Variants in NUP155 observed in about 807,000 individuals in gnomAD.
NUP155 encodes nucleoporin 155.
NUP155 carries 71 observed loss-of-function variants against 180.4 expected under a neutral mutation model. The observed-to-expected ratio is 0.39, with a 90% CI of 0.33 to 0.48. The LOEUF (loss-of-function observed/expected upper bound fraction) is 0.48. Among genes scored for constraint, NUP155 ranks in the 20% least tolerant of loss-of-function variants. The pLI, the probability that NUP155 is intolerant of heterozygous loss-of-function variation, is 0.91. For missense variants in NUP155, 1,553 were observed against 1,648.9 expected, an observed-to-expected ratio of 0.94 and a Z score of 1.01; for synonymous variants, 582 against 559.5, an observed-to-expected ratio of 1.04 and a Z score of -0.57.
At chr5:37,358,511 TTTA>T (rs1460406407) in intron 3 of NUP155, among the ~76,000 whole-genome samples, 6 of 151,944 alleles carry the variant, frequency 3.9e-5, no homozygotes, top group Admixed American at 3.3e-4. Flanking sequence ...TACAATGATC[TTTA>T]TTATTATTAT....
rs760028676 is a variant in NUP155 at position 37,301,488 on chromosome 5, A to C, written c.3510T>G (p.Ser1170=). ...TLQRQYSHHS[S]VQDAVSQLDS... is the part of the protein sequence containing the mutation. ...CCAGCTGAGAAACTGCATCCTGTAC[A>C]GAAGAATGATGGGAATACTGCCTTT... Residue 1170 remains serine, a synonymous_variant, in exon 30 of 35, where the codon TCT becomes TCG. Transcript: ENST00000231498. The C allele has an allele frequency of 1.1e-5, 17 of 1,613,986 alleles. No individual in the cohort carries two copies. Among genetic ancestry groups the C allele is most frequent in the Non-Finnish European group, 1.4e-5 (16 of 1,179,858 alleles).
chr5:37,295,887 C>G (rs1246121185), intron 32 of NUP155, among the ~76,000 whole-genome samples: 1 of 148,628 alleles, frequency 6.7e-6, no homozygotes, highest in African/African-American at 2.5e-5. Flanking sequence ...GGGGGGTCAG[C>G]CCCCCGCCTG....
At chr5:37,328,298 G>T in intron 17 of NUP155, 60 bp downstream of exon 17, 2 of 1,190,810 alleles carry the variant, frequency 1.7e-6, no homozygotes, top group Non-Finnish European at 2.5e-6. Context: ...AAGCATTAAG[G>T]TTAACTCATA....
chr5:37,313,146 A>G (rs577298064), intron 22 of NUP155, among the ~76,000 whole-genome samples: 44 of 152,142 alleles, frequency 2.9e-4, no homozygotes, highest in Non-Finnish European at 1.5e-4. Flanking sequence ...AAGTAGGAGC[A>G]GTTGCCGGGC....
chr5:37,344,006 G>A (rs1745914887), intron 9 of NUP155, among the ~76,000 whole-genome samples: 1 of 152,134 alleles, frequency 6.6e-6, no homozygotes, highest in African/African-American at 2.4e-5. Context: ...TTGATATAAT[G>A]TAGTAAGACA....
chr5:37,370,065 T>C (rs1199345566), intron 1 of NUP155, among the ~76,000 whole-genome samples: 1 of 152,214 alleles, frequency 6.6e-6, no homozygotes, highest in African/African-American at 2.4e-5. Flanking sequence ...AACACACATC[T>C]CTACACATAA....
chr5:37,308,873 C>A, intron 24 of NUP155, among the ~76,000 whole-genome samples: 1 of 67,702 alleles, frequency 1.5e-5, no homozygotes, highest in African/African-American at 1.0e-4. Context: ...GAGCGAGACT[C>A]TCAAAAAAAA....
At chr5:37,297,841 G>A (rs1742668277) in intron 32 of NUP155, among the ~76,000 whole-genome samples, 1 of 151,668 alleles carries the variant, frequency 6.6e-6, no homozygotes, top group Non-Finnish European at 1.5e-5. Flanking sequence ...ACAAAAGTAA[G>A]GGTATGAATA....
At chr5:37,360,389 G>A (rs1747121739) in intron 3 of NUP155, among the ~76,000 whole-genome samples, 1 of 152,108 alleles carries the variant, frequency 6.6e-6, no homozygotes, top group African/African-American at 2.4e-5. Flanking sequence ...GGAGGCTGAG[G>A]CAGGGGAATT....
At chr5:37,299,089 AC>A in intron 31 of NUP155, 111 bp from the exon 32 acceptor site, 2 of 730,868 alleles carry the variant, frequency 2.7e-6, no homozygotes, top group Admixed American at 2.0e-5. Flanking sequence ...ACAGATAGTC[AC>A]ATTAATATGA....
chr5:37,311,582 C>T (rs1353536964), intron 22 of NUP155, among the ~76,000 whole-genome samples: 3 of 151,864 alleles, frequency 2.0e-5, no homozygotes, highest in African/African-American at 7.3e-5. Flanking sequence ...GACTGCCTTC[C>T]AACGTTGAAA....
chr5:37,291,890 A>G lies in NUP155; in HGVS notation c.*10T>C. 1 of 1,613,202 alleles carries G rather than the reference A, an allele frequency of 6.2e-7. No individual in the cohort carries two copies. Among genetic ancestry groups the G allele is most frequent in the Non-Finnish European group, 8.5e-7 (1 of 1,179,186 alleles). On this transcript the variant is annotated 3_prime_UTR_variant, in exon 35 of 35. Coordinates refer to ENST00000231498, the MANE Select transcript of NUP155 (RefSeq NM_153485.3). ...CAGATCATAAAACGGATGAAAGTAT[A>G]TCACAGTAATTAATGAAGCCGTTCT...
intron 19 of NUP155, 62 bp from the exon 20 acceptor site, chr5:37,324,169 A>C: frequency 1.0e-6 from 1 of 972,100 alleles, no homozygotes; most frequent in Non-Finnish European, 1.6e-6. Context: ...CTATAATATA[A>C]ACAATTTTAA....
intron 24 of NUP155, 109 bp downstream of exon 24, chr5:37,309,020 G>A: frequency 8.7e-7 from 1 of 1,152,828 alleles, no homozygotes; most frequent in Non-Finnish European, 1.3e-6. Context: ...GATGCTGAAA[G>A]AAGATTTGCA....
In NUP155 at chr5:37,288,821, TG is replaced by T. The variant is rs1452770983; in HGVS notation, c.*3078del. On this transcript the variant is annotated 3_prime_UTR_variant, in exon 35 of 35. Transcript: ENST00000231498. ...GCTCATGCCTGTAATCCCAGCTCTTTGGGAGGCCAAGGGGGGTGGATCACCT... is the reference window on the plus strand; with the variant it reads ...GCTCATGCCTGTAATCCCAGCTCTTTGGAGGCCAAGGGGGGTGGATCACCT... 3 of 125,472 alleles carry T rather than the reference TG, an allele frequency of 2.4e-5. No individual in the cohort carries two copies. The highest frequency in any genetic ancestry group is 8.4e-5 in the African/African-American group (3 of 35,618). 7.8% of individuals were successfully genotyped at this position (125,472 alleles called of 1,614,324 possible). A position where few individuals can be genotyped will look rare whatever the true frequency, so the allele number is the denominator to read the frequency against.
chr5:37,347,087 G>A (rs1193762599), intron 9 of NUP155, among the ~76,000 whole-genome samples: 12 of 152,110 alleles, frequency 7.9e-5, no homozygotes, highest in African/African-American at 2.9e-4. Flanking sequence ...AATTCGCCAG[G>A]TGTGGTGGCA....
intron 16 of NUP155, 125 bp from the exon 17 acceptor site, chr5:37,328,545 C>G: frequency 1.4e-6 from 1 of 707,364 alleles, no homozygotes; most frequent in African/African-American, 1.8e-5. Flanking sequence ...TTTCTGTGGC[C>G]CAGGCTGGAG....
At chr5:37,314,373 A>C (rs1339962368) in intron 21 of NUP155, 45 bp from the exon 22 acceptor site, 2 of 1,434,382 alleles carry the variant, frequency 1.4e-6, no homozygotes, top group Non-Finnish European at 1.9e-6. Flanking sequence ...ACATAGGTTA[A>C]GTTGCTTTAT....
At position 37,330,144 on chromosome 5, in the gene NUP155, G is replaced by A. The variant is rs757213530; in HGVS notation, c.1630-12C>T. 1.3e-5 allele frequency: 20 copies of A among 1,579,764 alleles called. No homozygotes were observed. The highest frequency in any genetic ancestry group is 1.4e-5 in the Non-Finnish European group (16 of 1,151,294). The stretch of plus-strand genomic sequence containing the variant: ...CAAGCCTGGTCTTCCTGTGTAAAAA[G>A]AGGAATATTGGCCTTATATTAAATA... On this transcript the variant is annotated splice_polypyrimidine_tract_variant and intron_variant, in intron 14 of 34. Transcript: ENST00000231498.
Sources: allele counts gnomAD v4.1 joint callset (sites outside exome capture counted in the v4.1 genomes callset), GRCh38; gene constraint gnomAD v4.1.1; transcripts MANE v1.5; gene names NCBI Gene and HGNC (gene_info 2026-07-23, HGNC 2026-07-21).